USP48: variants seen among roughly 807,000 people sequenced by gnomAD.
The protein encoded by USP48 is ubiquitin carboxyl-terminal hydrolase 48.
USP48 carries 43 observed loss-of-function variants against 150.7 expected under a neutral mutation model. The ratio of observed to expected loss-of-function variants is 0.29; its 90% CI spans 0.22 to 0.37. USP48 has a LOEUF of 0.37. USP48 is among the 10% of genes least tolerant of loss of function. The probability of loss-of-function intolerance (pLI) is 1.00; values close to 1 mark genes in which losing one functional copy is unlikely to be tolerated. For synonymous variants in USP48, 396 were observed against 425.9 expected, an observed-to-expected ratio of 0.93 and a Z score of 0.86; for missense variants, 813 against 1,249.6, an observed-to-expected ratio of 0.65 and a Z score of 5.27.
intron 22 of USP48, among the ~76,000 whole-genome samples, chr1:21,701,106 C>A (rs1162297775): frequency 6.6e-6 from 1 of 150,812 alleles, no homozygotes; most frequent in South Asian, 2.1e-4. Context: ...GTGGCTCCTG[C>A]CTGTAATCTC....
At chr1:21,738,249 G>T (rs1204513470) in intron 8 of USP48, among the ~76,000 whole-genome samples, 1 of 151,830 alleles carries the variant, frequency 6.6e-6, no homozygotes, top group Non-Finnish European at 1.5e-5. Flanking sequence ...GTAGAGACGG[G>T]GTTTCACCAT....
At chr1:21,679,506 T>A in intron 26 of USP48, 67 bp from the exon 27 acceptor site, 1 of 1,574,386 alleles carries the variant, frequency 6.4e-7, no homozygotes, top group Non-Finnish European at 8.7e-7. Flanking sequence ...GGATTCCATT[T>A]ACCAAGAACA....
intron 3 of USP48, among the ~76,000 whole-genome samples, chr1:21,753,869 G>A (rs1326367202): frequency 2.0e-5 from 3 of 147,312 alleles, no homozygotes; most frequent in South Asian, 4.3e-4. Context: ...CAGGGCTGGC[G>A]CAGTGGCTCA....
At chr1:21,726,831 G>A (rs1380927111) in intron 11 of USP48, among the ~76,000 whole-genome samples, 2 of 152,090 alleles carry the variant, frequency 1.3e-5, no homozygotes, top group Non-Finnish European at 2.9e-5. Context: ...CTCCAAATGA[G>A]GGAGAACTCT....
rs142486865 is a variant in USP48 at position 21,755,014 on chromosome 1, G to A, written c.412+1532C>T. On this transcript the variant is annotated intron_variant, in intron 3 of 26. Transcript: ENST00000308271. ...GCCCCAGGGATACAGGTTGTTCCCTGTATCTGCTGTCCTTGTATTCTTTAA... is the reference window on the plus strand; with the variant it reads ...GCCCCAGGGATACAGGTTGTTCCCTATATCTGCTGTCCTTGTATTCTTTAA... Among the ~76,000 whole-genome samples, 158 of 152,228 alleles carry A rather than the reference G, an allele frequency of 1.0e-3. 2 individuals carry two copies. In the East Asian group the frequency reaches 0.028, roughly 27 times the overall value.
chr1:21,682,231 A>T (rs1347336674), intron 25 of USP48, among the ~76,000 whole-genome samples: 1 of 152,178 alleles, frequency 6.6e-6, no homozygotes, highest in Non-Finnish European at 1.5e-5. Context: ...GCTTTCCCTC[A>T]GGATCTTGCG....
chr1:21,776,982 G>A (rs2097901102), intron 1 of USP48, among the ~76,000 whole-genome samples: 1 of 151,154 alleles, frequency 6.6e-6, no homozygotes, highest in Non-Finnish European at 1.5e-5. Context: ...AGGTGTGGTG[G>A]TGCATGCCTG....
At chr1:21,745,550 A>C (rs550006706) in intron 8 of USP48, among the ~76,000 whole-genome samples, 4 of 152,316 alleles carry the variant, frequency 2.6e-5, no homozygotes, top group Non-Finnish European at 5.9e-5. Flanking sequence ...ACAGAGCCAG[A>C]CCCTGTCTCA....
chr1:21,752,721 A>G, intron 4 of USP48, 70 bp from the exon 5 acceptor site: 1 of 1,479,398 alleles, frequency 6.8e-7, no homozygotes, highest in Non-Finnish European at 9.0e-7. Flanking sequence ...ATAGTAATAC[A>G]TTCAACATTC....
chr1:21,760,662 G>C (rs2097847750), intron 1 of USP48, among the ~76,000 whole-genome samples: 1 of 151,964 alleles, frequency 6.6e-6, no homozygotes, highest in African/African-American at 2.4e-5. Context: ...GGTGCAGTGA[G>C]CCGAGATCGT....
intron 8 of USP48, among the ~76,000 whole-genome samples, chr1:21,736,993 G>A (rs564161082): frequency 1.3e-5 from 2 of 152,284 alleles, no homozygotes; most frequent in East Asian, 3.9e-4. Flanking sequence ...TGTGTGTTAC[G>A]AAACTTAAAA....
At chr1:21,769,832 G>A (rs2097873894) in intron 1 of USP48, among the ~76,000 whole-genome samples, 1 of 151,974 alleles carries the variant, frequency 6.6e-6, no homozygotes, top group Non-Finnish European at 1.5e-5. Flanking sequence ...AGTGAACTGT[G>A]ATCACATCAT....
chr1:21,728,354 C>A, intron 11 of USP48: 2 of 1,291,308 alleles, frequency 1.5e-6, no homozygotes, highest in Non-Finnish European at 2.0e-6. Context: ...AATTTATTAA[C>A]AGCTTCCCAT....
intron 11 of USP48, chr1:21,727,780 G>T: frequency 1.3e-6 from 1 of 742,814 alleles, no homozygotes; most frequent in Non-Finnish European, 1.6e-6. Context: ...GGCAATTTTT[G>T]TTTACATTTT....
At chr1:21,695,531 C>T (rs1027138629) in intron 22 of USP48, among the ~76,000 whole-genome samples, 1 of 152,092 alleles carries the variant, frequency 6.6e-6, no homozygotes, top group Non-Finnish European at 1.5e-5. Flanking sequence ...CCAGCCTAGG[C>T]AACATATTAA....
chr1:21,765,076 T>A (rs931329043), intron 1 of USP48, among the ~76,000 whole-genome samples: 2 of 152,128 alleles, frequency 1.3e-5, no homozygotes, highest in Non-Finnish European at 2.9e-5. Context: ...ATGACAACAA[T>A]GTTTTTGTTT....
intron 25 of USP48, among the ~76,000 whole-genome samples, chr1:21,682,973 A>G (rs918299366): frequency 6.6e-6 from 1 of 152,114 alleles, no homozygotes; most frequent in Admixed American, 6.5e-5. Flanking sequence ...AAAAAAATAC[A>G]AACAAGGCCA....
intron 24 of USP48, among the ~76,000 whole-genome samples, chr1:21,689,047 G>A (rs757581340): frequency 2.6e-5 from 4 of 151,802 alleles, no homozygotes; most frequent in Non-Finnish European, 4.4e-5. Flanking sequence ...ATACTATGAC[G>A]TATGGTTAAG....
chr1:21,686,600 T>C (rs1363634351), intron 25 of USP48: 1 of 152,420 alleles, frequency 6.6e-6, no homozygotes, highest in Non-Finnish European at 1.5e-5. Context: ...GAGAAATCCC[T>C]TCCCACCTGG....
Sources: allele counts gnomAD v4.1 joint callset (sites outside exome capture counted in the v4.1 genomes callset), GRCh38; gene constraint gnomAD v4.1.1; transcripts MANE v1.5; gene names NCBI Gene and HGNC (gene_info 2026-07-23, HGNC 2026-07-21).